Variants in FGFR2 observed in about 807,000 individuals in gnomAD.
The protein encoded by FGFR2 is BEK fibroblast growth factor receptor.
In FGFR2, 19 loss-of-function variants were observed where a neutral mutation model predicts 95.9. The ratio of observed to expected loss-of-function variants is 0.20; its 90% CI spans 0.14 to 0.29. FGFR2 has a LOEUF of 0.29. FGFR2 is among the 10% of genes least tolerant of loss of function. The pLI, the probability that FGFR2 is intolerant of heterozygous loss-of-function variation, is 1.00. For synonymous variants in FGFR2, 392 were observed against 393.3 expected, an observed-to-expected ratio of 1.00 and a Z score of 0.04; for missense variants, 707 against 1,056.9, an observed-to-expected ratio of 0.67 and a Z score of 4.59.
At chr10:121,526,202 G>A (rs923447963) in intron 6 of FGFR2, 3 of 398,576 alleles carry the variant, frequency 7.5e-6, no homozygotes, top group Non-Finnish European at 1.3e-5. Context: ...GAGCTGAAAA[G>A]GGAAAGAACA....
intron 7 of FGFR2, among the ~76,000 whole-genome samples, chr10:121,519,008 G>A (rs984933104): frequency 4.6e-5 from 7 of 152,222 alleles, no homozygotes; most frequent in African/African-American, 7.2e-5. Flanking sequence ...GAAAGACCTG[G>A]TGGAGAGAAG....
chr10:121,519,708 C>T (rs993697389), intron 7 of FGFR2, among the ~76,000 whole-genome samples: 9 of 152,178 alleles, frequency 5.9e-5, no homozygotes, highest in South Asian at 2.1e-4. Context: ...TAAATGTCTG[C>T]GATCTCAGGG....
chr10:121,522,325 C>T (rs780510172), intron 6 of FGFR2, among the ~76,000 whole-genome samples: 36 of 152,136 alleles, frequency 2.4e-4, no homozygotes, highest in Non-Finnish European at 4.0e-4. Context: ...TGAAGGCTGA[C>T]GCAGGAGGAT....
At chr10:121,528,790 C>A (rs553826779) in intron 6 of FGFR2, among the ~76,000 whole-genome samples, 3 of 152,328 alleles carry the variant, frequency 2.0e-5, no homozygotes, top group African/African-American at 7.2e-5. Context: ...AGCCTTCAAT[C>A]CAAACGCCAC....
chr10:121,524,099 T>TGTACAC (rs1554933373), intron 6 of FGFR2, among the ~76,000 whole-genome samples: 30 of 137,286 alleles, frequency 2.2e-4, no homozygotes, highest in East Asian at 6.5e-4. Flanking sequence ...CCCGGCTATG[T>TGTACAC]ATACACACAC....
At position 121,593,949 on chromosome 10, in the gene FGFR2, G is replaced by A. The variant is rs1863070458; in HGVS notation, c.-132C>T. ...CGGTGGGCTCAGGAACCGAGGCGCT[G>A]CCGCTGCTGCTGCAGTCACTAAAGG... On this transcript the variant is annotated 5_prime_UTR_variant, in exon 2 of 18. Coordinates refer to ENST00000358487, the MANE Select transcript of FGFR2 (RefSeq NM_000141.5). 1.3e-6 allele frequency: 1 copy of A among 796,682 alleles called. No individual in the cohort carries two copies. Among genetic ancestry groups the A allele is most frequent in the African/African-American group, 1.7e-5 (1 of 58,938 alleles). The allele number at this position is 796,682 out of a possible 1,614,324, so 49.4% of individuals were successfully genotyped here.
At chr10:121,594,757 G>A (rs1284334193) in intron 1 of FGFR2, among the ~76,000 whole-genome samples, 1 of 152,218 alleles carries the variant, frequency 6.6e-6, no homozygotes, top group Non-Finnish European at 1.5e-5. Flanking sequence ...GTAGAAGGGT[G>A]AGGAAACTGA....
chr10:121,562,022 C>T (rs1857052294), intron 4 of FGFR2, among the ~76,000 whole-genome samples: 1 of 152,124 alleles, frequency 6.6e-6, no homozygotes. Flanking sequence ...GGCCAAAATC[C>T]AGAACACCAA....
intron 2 of FGFR2, among the ~76,000 whole-genome samples, chr10:121,578,960 G>A (rs1427333175): frequency 6.6e-6 from 1 of 152,140 alleles, no homozygotes; most frequent in African/African-American, 2.4e-5. Context: ...TGCAGGTGCG[G>A]GCTGACATTC....
chr10:121,588,179 G>C (rs1049394087), intron 2 of FGFR2, among the ~76,000 whole-genome samples: 7 of 151,036 alleles, frequency 4.6e-5, no homozygotes, highest in African/African-American at 1.2e-4. Flanking sequence ...TTATAAGTGG[G>C]AGCTAAATGA....
At chr10:121,497,926 T>C (rs1439864893) in intron 12 of FGFR2, among the ~76,000 whole-genome samples, 4 of 152,218 alleles carry the variant, frequency 2.6e-5, no homozygotes, top group South Asian at 2.1e-4. Context: ...AAGTCAAAGA[T>C]AGGCGTTTTC....
At chr10:121,586,651 A>G (rs1300733175) in intron 2 of FGFR2, among the ~76,000 whole-genome samples, 1 of 152,206 alleles carries the variant, frequency 6.6e-6, no homozygotes, top group Non-Finnish European at 1.5e-5. Flanking sequence ...GAAAATCTAA[A>G]GCACGCCTAT....
At position 121,500,842 on chromosome 10, in the gene FGFR2, G is replaced by C. The variant is rs778789088; in HGVS notation, c.1545C>G (p.Ala515=). The C allele has an allele frequency of 8.7e-6, 14 of 1,613,742 alleles. No individual in the cohort carries two copies. Among genetic ancestry groups the C allele is most frequent in the Admixed American group, 1.7e-5 (1 of 59,968 alleles). The change falls in exon 11 of 18, where the codon GCC becomes GCG. Residue 515 remains alanine (A), a synonymous_variant. Transcript: ENST00000358487. ...KDKPKEAVTV[A]VKMLKDDATE... ...CCCGCTCACCTTTCAACATCTTCAC[G>C]GCCACGGTGACCGCCTCCTTGGGCT...
chr10:121,515,102 T>C lies in FGFR2; in HGVS notation c.1287+15A>G. The C allele has an allele frequency of 6.2e-7, 1 of 1,612,880 alleles. No individual in the cohort carries two copies. The highest frequency in any genetic ancestry group is 8.5e-7 in the Non-Finnish European group (1 of 1,179,118). The stretch of plus-strand genomic sequence containing the variant: ...GGGGGAGGAGTAAATTTCTTTAAAC[T>C]CTTTATCTACTTTCTGTTACCTGTC... On this transcript the variant is annotated intron_variant, in intron 9 of 17. Coordinates refer to ENST00000358487, the MANE Select transcript of FGFR2 (RefSeq NM_000141.5).
intron 2 of FGFR2, among the ~76,000 whole-genome samples, chr10:121,577,172 T>TAGAGAGAGAGAG (rs1206648416): frequency 6.4e-4 from 2 of 3,144 alleles, no homozygotes; most frequent in Non-Finnish European, 1.2e-3. Flanking sequence ...TATATATATA[T>TAGAGAGAGAGAG]ATATATAGAG....
intron 6 of FGFR2, among the ~76,000 whole-genome samples, chr10:121,524,146 A>ACCCCCCCCC (rs1554933622): frequency 5.1e-5 from 7 of 136,974 alleles, no homozygotes; most frequent in East Asian, 2.1e-4. Flanking sequence ...ACACACACAC[A>ACCCCCCCCC]CCCCAAGTTT....
chr10:121,573,998 C>T (rs868214312), intron 2 of FGFR2, among the ~76,000 whole-genome samples: 3 of 152,114 alleles, frequency 2.0e-5, no homozygotes, highest in Non-Finnish European at 2.9e-5. Flanking sequence ...AGTAAGTGGC[C>T]GCCACTGTCC....
At chr10:121,529,053 A>G (rs1037637199) in intron 6 of FGFR2, among the ~76,000 whole-genome samples, 11 of 152,116 alleles carry the variant, frequency 7.2e-5, no homozygotes, top group Non-Finnish European at 2.9e-5. Flanking sequence ...CAGCCTCTAG[A>G]ATAACTGGGA....
intron 9 of FGFR2, among the ~76,000 whole-genome samples, chr10:121,512,387 A>G (rs1849166774): frequency 6.6e-6 from 1 of 152,226 alleles, no homozygotes; most frequent in Non-Finnish European, 1.5e-5. Flanking sequence ...GACATGTAGA[A>G]GGAGCTGAGG....
Sources: gnomAD v4.1 joint callset for allele counts (sites outside exome capture counted in the v4.1 genomes callset) on GRCh38, gnomAD v4.1.1 for gene constraint, MANE v1.5 for transcripts, NCBI Gene and HGNC (gene_info 2026-07-23, HGNC 2026-07-21) for gene names.